Variants in XKR4 observed in about 807,000 individuals in gnomAD.
XKR4 encodes XK-related protein 4.
Under a neutral mutation model 53.9 loss-of-function variants are expected in XKR4, and 12 were observed. The ratio of observed to expected loss-of-function variants is 0.22; its 90% CI spans 0.14 to 0.36. XKR4 has a LOEUF of 0.36. XKR4 is among the 10% of genes least tolerant of loss of function. XKR4 has a pLI of 1.00. For missense variants in XKR4, 799 were observed against 859.5 expected (o/e 0.93, Z 0.88); for synonymous variants, 354 against 362.4 (o/e 0.98, Z 0.26).
intron 1 of XKR4, among the ~76,000 whole-genome samples, chr8:55,108,005 A>G (rs1816173519): frequency 6.6e-6 from 1 of 152,238 alleles, no homozygotes; most frequent in Admixed American, 6.5e-5. Flanking sequence ...GAAGACAGAA[A>G]AGTCAGTAGA....
intron 1 of XKR4, among the ~76,000 whole-genome samples, chr8:55,338,254 A>G (rs1025358972): frequency 2.0e-5 from 3 of 152,184 alleles, no homozygotes; most frequent in South Asian, 2.1e-4. Context: ...CCCCTCCCAC[A>G]CAATCCTTGG....
intron 2 of XKR4, among the ~76,000 whole-genome samples, chr8:55,468,158 A>G (rs1805810629): frequency 6.6e-6 from 1 of 152,144 alleles, no homozygotes; most frequent in Admixed American, 6.5e-5. Context: ...TGCATTGCCC[A>G]TCCATCTTCT....
At chr8:55,260,925 G>A (rs554650147) in intron 1 of XKR4, among the ~76,000 whole-genome samples, 2 of 152,292 alleles carry the variant, frequency 1.3e-5, no homozygotes, top group Admixed American at 1.3e-4. Context: ...CAAGCTTCTA[G>A]CTTGTCTATG....
chr8:55,409,598 C>T (rs747257184), intron 2 of XKR4, among the ~76,000 whole-genome samples: 1 of 151,894 alleles, frequency 6.6e-6, no homozygotes, highest in Non-Finnish European at 1.5e-5. Flanking sequence ...ACTGCCTAAC[C>T]TACAGTGTTT....
chr8:55,485,675 A>G, intron 2 of XKR4, among the ~76,000 whole-genome samples: 1 of 152,158 alleles, frequency 6.6e-6, no homozygotes, highest in Non-Finnish European at 1.5e-5. Context: ...CTGGGATTAC[A>G]GGCGTGAACC....
intron 2 of XKR4, among the ~76,000 whole-genome samples, chr8:55,471,098 A>G (rs1232439030): frequency 6.6e-6 from 1 of 152,172 alleles, no homozygotes; most frequent in African/African-American, 2.4e-5. Flanking sequence ...TAACTATTTA[A>G]TAATTGAGAA....
At chr8:55,350,795 A>C (rs1247471918) in intron 1 of XKR4, among the ~76,000 whole-genome samples, 2 of 138,478 alleles carry the variant, frequency 1.4e-5, no homozygotes, top group Non-Finnish European at 3.0e-5. Context: ...GCTGGAGTGC[A>C]GTGGCACGAT....
chr8:55,313,678 C>A (rs1357152918), intron 1 of XKR4, among the ~76,000 whole-genome samples: 1 of 152,164 alleles, frequency 6.6e-6, no homozygotes, highest in Non-Finnish European at 1.5e-5. Context: ...CAATGCCATT[C>A]TTTTACAGAA....
chr8:55,472,708 T>G (rs1293766048), intron 2 of XKR4, among the ~76,000 whole-genome samples: 1 of 152,122 alleles, frequency 6.6e-6, no homozygotes, highest in African/African-American at 2.4e-5. Flanking sequence ...ATTTCGCTAT[T>G]CTGAGGTCAC....
chr8:55,186,613 G>A (rs1352285982), intron 1 of XKR4, among the ~76,000 whole-genome samples: 2 of 152,142 alleles, frequency 1.3e-5, no homozygotes, highest in African/African-American at 2.4e-5. Context: ...CCGAGACGGT[G>A]CCACTGCACT....
At position 55,407,621 on chromosome 8, in the gene XKR4, C is replaced by T. The variant is rs190386109; in HGVS notation, c.1006+49744C>T. ...CCGGCTCCACCGCACTCTTTTCCCC[C>T]TGACACCCGGGGAAGTCTCTGAGCC... On this transcript the variant is annotated intron_variant, in intron 2 of 2. Transcript: ENST00000327381. Among the ~76,000 whole-genome samples, 154 of 152,358 alleles carry T rather than the reference C, an allele frequency of 1.0e-3. 2 individuals carry two copies. The highest frequency in any genetic ancestry group is 3.5e-3 in the African/African-American group (146 of 41,586).
chr8:55,266,518 C>G (rs905196712), intron 1 of XKR4, among the ~76,000 whole-genome samples: 1 of 151,994 alleles, frequency 6.6e-6, no homozygotes, highest in Non-Finnish European at 1.5e-5. Context: ...AGGCATCCAG[C>G]CCTTTTGAAA....
intron 2 of XKR4, among the ~76,000 whole-genome samples, chr8:55,486,947 C>T (rs954915990): frequency 2.0e-5 from 3 of 152,148 alleles, no homozygotes; most frequent in Admixed American, 2.0e-4. Flanking sequence ...CAAATTTGTA[C>T]TAGTCAGGGT....
At chr8:55,504,207 GT>G (rs1806490557) in intron 2 of XKR4, among the ~76,000 whole-genome samples, 1 of 150,838 alleles carries the variant, frequency 6.6e-6, no homozygotes. Context: ...GTTTTGTTTT[GT>G]TTTGTTTTGT....
In XKR4 at chr8:55,204,302, C is replaced by T. The variant is rs114349903; in HGVS notation, c.806+101008C>T. Among the ~76,000 whole-genome samples the T allele has an allele frequency of 3.3e-3, 508 of 152,214 alleles. 5 individuals carry two copies. Among genetic ancestry groups the T allele is most frequent in the African/African-American group, 0.011 (475 of 41,532 alleles). ...AAAGTTATTGACCAACAAATCACAA[C>T]GACAAGCAGCATTAAAAATGGAATT... On this transcript the variant is annotated intron_variant, in intron 1 of 2. Transcript: ENST00000327381.
At chr8:55,182,353 A>G (rs978357122) in intron 1 of XKR4, among the ~76,000 whole-genome samples, 7 of 152,116 alleles carry the variant, frequency 4.6e-5, no homozygotes, top group Admixed American at 1.3e-4. Context: ...CATTTCTTTT[A>G]TGGATCACAC....
intron 1 of XKR4, among the ~76,000 whole-genome samples, chr8:55,230,051 C>T: frequency 6.6e-6 from 1 of 151,900 alleles, no homozygotes; most frequent in East Asian, 1.9e-4. Flanking sequence ...GTGTTGCAAT[C>T]ATTTTCTAAG....
At chr8:55,256,381 A>G (rs1165105630) in intron 1 of XKR4, among the ~76,000 whole-genome samples, 2 of 152,218 alleles carry the variant, frequency 1.3e-5, no homozygotes, top group African/African-American at 4.8e-5. Context: ...AATGGATTTG[A>G]GAAAGATGAG....
chr8:55,471,167 C>G (rs1805875972), intron 2 of XKR4, among the ~76,000 whole-genome samples: 1 of 152,072 alleles, frequency 6.6e-6, no homozygotes. Context: ...TGTCTGGTGG[C>G]AGCTGTGTTG....
Sources: gnomAD v4.1 joint callset for allele counts (sites outside exome capture counted in the v4.1 genomes callset) on GRCh38, gnomAD v4.1.1 for gene constraint, MANE v1.5 for transcripts, NCBI Gene and HGNC (gene_info 2026-07-23, HGNC 2026-07-21) for gene names.